LRCH1: variants seen among roughly 807,000 people sequenced by gnomAD.
The protein encoded by LRCH1 is leucine rich repeats and calponin homology domain containing 1.
LRCH1 carries 23 observed loss-of-function variants against 94.9 expected under a neutral mutation model. The observed-to-expected ratio is 0.24, with a 90% CI of 0.17 to 0.34. The LOEUF (loss-of-function observed/expected upper bound fraction) is 0.34. Among genes scored for constraint, LRCH1 ranks in the 10% least tolerant of loss-of-function variants. LRCH1 has a pLI of 1.00. For missense variants in LRCH1, 790 were observed against 945.9 expected (o/e 0.84, Z 2.16); for synonymous variants, 364 against 354.9 (o/e 1.03, Z -0.29).
chr13:46,617,146 T>C (rs887965898), intron 1 of LRCH1, among the ~76,000 whole-genome samples: 1 of 152,206 alleles, frequency 6.6e-6, no homozygotes, highest in Admixed American at 6.5e-5. Flanking sequence ...AACACAGTGC[T>C]CAAAACTGTC....
At chr13:46,617,017 A>T (rs1387125732) in intron 1 of LRCH1, among the ~76,000 whole-genome samples, 1 of 152,192 alleles carries the variant, frequency 6.6e-6, no homozygotes, top group East Asian at 1.9e-4. Flanking sequence ...GTGGAATGTC[A>T]TCAGTTAAGG....
At chr13:46,692,966 CTTTTTT>C (rs556715797) in intron 8 of LRCH1, among the ~76,000 whole-genome samples, 1 of 128,202 alleles carries the variant, frequency 7.8e-6, no homozygotes, top group Admixed American at 8.0e-5. Context: ...AGATAAAATT[CTTTTTT>C]TTTTTTTTTT....
chr13:46,734,650 GA>G (rs1366855488), intron 19 of LRCH1, among the ~76,000 whole-genome samples: 14 of 152,188 alleles, frequency 9.2e-5, no homozygotes, highest in African/African-American at 3.4e-4. Context: ...GCCTCAGGCA[GA>G]TGGCTGGGGG....
chr13:46,689,312 G>A (rs967945115), intron 7 of LRCH1, 116 bp downstream of exon 7: 16 of 701,730 alleles, frequency 2.3e-5, no homozygotes, highest in African/African-American at 9.0e-5. Flanking sequence ...TGTGATATTC[G>A]TAAAAGTGAT....
chr13:46,583,764 A>ATT (rs34881091), intron 1 of LRCH1, among the ~76,000 whole-genome samples: 95 of 142,968 alleles, frequency 6.6e-4, no homozygotes, highest in Admixed American at 1.8e-3. Context: ...GAATTTTTCT[A>ATT]TTTTTTTTTT....
intron 1 of LRCH1, among the ~76,000 whole-genome samples, chr13:46,608,373 G>A (rs2050711279): frequency 6.6e-6 from 1 of 152,166 alleles, no homozygotes; most frequent in Non-Finnish European, 1.5e-5. Context: ...TTCCACTGAT[G>A]GTGCCATGTG....
downstream of LRCH1, among the ~76,000 whole-genome samples, chr13:46,749,603 T>C (rs2138263342): frequency 1.0e-5 from 1 of 97,542 alleles, no homozygotes. Flanking sequence ...CATAAATAAA[T>C]ACAATTTTTT....
intron 16 of LRCH1, among the ~76,000 whole-genome samples, chr13:46,721,332 G>T (rs1470028017): frequency 1.3e-5 from 2 of 152,204 alleles, no homozygotes; most frequent in African/African-American, 4.8e-5. Context: ...CGGTGTTGAG[G>T]CGCCCCTTGC....
rs139302018 is a variant in LRCH1, at chr13:46,741,835, C to G, written c.2279C>G (p.Ala760Gly). Residue 760 changes from alanine (A) to glycine (G), a missense_variant, in exon 20 of 20, where the codon GCT (alanine) becomes GGT (glycine). Transcript: ENST00000389797. ...GTCTATATCACTTACCACTGGAATG[C>G]TCTGTCCGCATAATGTCTGCACGTG... ...VLVYITYHWN[A>G]LSA is the part of the protein sequence containing the mutation. 24 of 1,614,092 alleles carry G rather than the reference C, an allele frequency of 1.5e-5. No individual in the cohort carries two copies. The African/African-American group carries it at 2.7e-4, about 18-fold the overall frequency.
chr13:46,600,052 A>G (rs1259965825), intron 1 of LRCH1, among the ~76,000 whole-genome samples: 1 of 152,168 alleles, frequency 6.6e-6, no homozygotes, highest in African/African-American at 2.4e-5. Flanking sequence ...CACCCAGCTA[A>G]TTTTTGTATT....
intron 1 of LRCH1, among the ~76,000 whole-genome samples, chr13:46,625,315 T>C (rs964431519): frequency 3.9e-5 from 6 of 152,246 alleles, no homozygotes; most frequent in Non-Finnish European, 7.3e-5. Flanking sequence ...CTTAGAACAA[T>C]ACTATGGACT....
chr13:46,741,688 A>G lies in LRCH1; in HGVS notation c.2132A>G (p.His711Arg). 6.2e-7 allele frequency: 1 copy of G among 1,614,188 alleles called. No individual in the cohort carries two copies. The highest frequency in any genetic ancestry group is 8.5e-7 in the Non-Finnish European group (1 of 1,180,034). The change falls in exon 20 of 20, where the codon CAC becomes CGC. Residue 711 changes from histidine (H) to arginine (R), a missense_variant. By Grantham distance (29) the His-to-Arg change is conservative. Transcript: ENST00000389797. ...GACATCCTGCAGTTGGATTTTCGTC[A>G]CATTCGAAAGACTGTTGACACTCTG... The part of the protein sequence containing the change: ...PCDILQLDFR[H>R]IRKTVDTLLA...
intron 1 of LRCH1, among the ~76,000 whole-genome samples, chr13:46,621,951 G>T (rs907680797): frequency 2.0e-5 from 3 of 152,120 alleles, no homozygotes; most frequent in Non-Finnish European, 4.4e-5. Context: ...TTAAAAGACG[G>T]ATAAGATACA....
intron 1 of LRCH1, among the ~76,000 whole-genome samples, chr13:46,605,072 C>T (rs2137990433): frequency 6.6e-6 from 1 of 152,320 alleles, no homozygotes; most frequent in South Asian, 2.1e-4. Flanking sequence ...AGAGGCCAGC[C>T]AGCAGGCATC....
chr13:46,554,779 A>G (rs996849944), intron 1 of LRCH1, among the ~76,000 whole-genome samples: 2 of 152,144 alleles, frequency 1.3e-5, no homozygotes, highest in African/African-American at 4.8e-5. Flanking sequence ...TTTGTGTCAT[A>G]GCAAGCGCCC....
intron 1 of LRCH1, among the ~76,000 whole-genome samples, chr13:46,620,965 G>A (rs1490149791): frequency 1.3e-5 from 2 of 152,174 alleles, no homozygotes; most frequent in East Asian, 3.9e-4. Context: ...GGGTGTCATC[G>A]TTGGCTCTTA....
chr13:46,725,787 C>G (rs545689916), intron 17 of LRCH1, among the ~76,000 whole-genome samples: 2 of 152,186 alleles, frequency 1.3e-5, no homozygotes, highest in Non-Finnish European at 2.9e-5. Context: ...AAAGTCAAAC[C>G]TCTGTCATTT....
At chr13:46,617,493 A>G (rs969082047) in intron 1 of LRCH1, among the ~76,000 whole-genome samples, 18 of 152,208 alleles carry the variant, frequency 1.2e-4, no homozygotes, top group African/African-American at 3.9e-4. Flanking sequence ...TGTGAGCTGC[A>G]CATTCCTATT....
chr13:46,576,325 C>T lies in LRCH1; in HGVS notation c.307+22622C>T, dbSNP rs771422378. On this transcript the variant is annotated intron_variant, in intron 1 of 19. Coordinates refer to ENST00000389797, the MANE Select transcript of LRCH1 (RefSeq NM_001164211.2). ...AGAATGTCTTGTTCTAATTTTTTTC[C>T]GTAGACTTAAGATTGTTGGGAAAAA... Among the ~76,000 whole-genome samples the T allele has an allele frequency of 1.2e-4, 19 of 152,222 alleles. 1 individual carries two copies. The highest frequency in any genetic ancestry group is 1.2e-3 in the South Asian group (6 of 4,824).
Sources: allele counts gnomAD v4.1 joint callset (sites outside exome capture counted in the v4.1 genomes callset), GRCh38; gene constraint gnomAD v4.1.1; transcripts MANE v1.5; gene names NCBI Gene and HGNC (gene_info 2026-07-23, HGNC 2026-07-21).